Variants in LINGO2 observed in about 807,000 individuals in gnomAD.
LINGO2 encodes the protein leucine rich repeat and Ig domain containing 2, also known as leucine-rich repeat and immunoglobulin-like domain-containing nogo receptor-interacting protein 2.
Under a neutral mutation model 30.6 loss-of-function variants are expected in LINGO2, and 14 were observed. That is an observed-to-expected ratio of 0.46 (90% confidence interval 0.30 to 0.72). LINGO2 has a LOEUF of 0.72. Among genes scored for constraint, LINGO2 ranks in the 30% least tolerant of loss-of-function variants. The pLI, the probability that LINGO2 is intolerant of heterozygous loss-of-function variation, is 0.07. For synonymous variants in LINGO2, 317 were observed against 288.5 expected, an observed-to-expected ratio of 1.10 and a Z score of -1.00; for missense variants, 729 against 751.7, an observed-to-expected ratio of 0.97 and a Z score of 0.35.
At position 28,163,320 on chromosome 9, in the gene LINGO2, G is replaced by A. The variant is rs547109399; in HGVS notation, c.-87+131888C>T. On this transcript the variant is annotated intron_variant, in intron 4 of 5. Coordinates refer to ENST00000379992, the Ensembl canonical transcript of LINGO2. ...GGGAATAGCCAAAACTGAGGCAGAC[G>A]TTGAGTGTGTGAGTATGAACAGCAT... Among the ~76,000 whole-genome samples the A allele has an allele frequency of 2.4e-4, 37 of 152,200 alleles. No individual in the cohort carries two copies. The Middle Eastern group carries it at 0.014, about 56-fold the overall frequency.
chr9:28,349,932 T>C lies in LINGO2; in HGVS notation c.-246+22904A>G, dbSNP rs988160896. Among the ~76,000 whole-genome samples, 98 of 152,232 alleles carry C rather than the reference T, an allele frequency of 6.4e-4. 2 individuals carry two copies. Among genetic ancestry groups the C allele is most frequent in the Middle Eastern group, 3.4e-3 (1 of 294 alleles). Reference sequence around the variant, plus strand: ...TAAGTGAAGGAGAAATAAAATCCTTTACAGACAAGCAAATGCTGAGAGATT... The same window carrying C: ...TAAGTGAAGGAGAAATAAAATCCTTCACAGACAAGCAAATGCTGAGAGATT... On this transcript the variant is annotated intron_variant, in intron 3 of 5. Coordinates refer to ENST00000379992, the Ensembl canonical transcript of LINGO2.
At chr9:29,071,464 G>C in the LINGO2 span, among the ~76,000 whole-genome samples, 3 of 138,234 alleles carry the variant, frequency 2.2e-5, no homozygotes, top group African/African-American at 8.2e-5. Context: ...AACTATTGCT[G>C]CTTGCTTATT....
chr9:28,885,756 C>T, the LINGO2 span, among the ~76,000 whole-genome samples: 10 of 152,024 alleles, frequency 6.6e-5, no homozygotes, highest in Non-Finnish European at 1.2e-4. Context: ...AACAGCTATC[C>T]TTAGCTTCCC....
chr9:29,017,617 C>G, the LINGO2 span, among the ~76,000 whole-genome samples: 1 of 151,998 alleles, frequency 6.6e-6, no homozygotes, highest in African/African-American at 2.4e-5. Context: ...TAAGAAACCA[C>G]GTTGGCATGC....
chr9:28,891,668 C>G, the LINGO2 span, among the ~76,000 whole-genome samples: 1 of 151,822 alleles, frequency 6.6e-6, no homozygotes, highest in Non-Finnish European at 1.5e-5. Flanking sequence ...ATTCCTTGTA[C>G]TTCTATTAAG....
chr9:28,790,436 C>A, the LINGO2 span, among the ~76,000 whole-genome samples: 1 of 147,578 alleles, frequency 6.8e-6, no homozygotes, highest in Admixed American at 6.9e-5. Flanking sequence ...TCACGCCATT[C>A]TCCTGCCTCA....
At chr9:27,962,521 G>T (rs1245445712) in intron 5 of LINGO2, among the ~76,000 whole-genome samples, 1 of 152,110 alleles carries the variant, frequency 6.6e-6, no homozygotes, top group African/African-American at 2.4e-5. Context: ...CTGTAGGCAA[G>T]GTCCCTTTAC....
chr9:28,380,965 T>C (rs376858742), intron 2 of LINGO2, among the ~76,000 whole-genome samples: 4 of 152,060 alleles, frequency 2.6e-5, no homozygotes, highest in East Asian at 3.9e-4. Context: ...CCCTTGAGTA[T>C]GTATTTCTTT....
At chr9:28,983,297 C>T in the LINGO2 span, among the ~76,000 whole-genome samples, 1 of 144,342 alleles carries the variant, frequency 6.9e-6, no homozygotes, top group African/African-American at 2.5e-5. Flanking sequence ...GTGTGGTGAC[C>T]CATTTATTAT....
the LINGO2 span, among the ~76,000 whole-genome samples, chr9:28,950,231 G>C: frequency 6.6e-6 from 1 of 152,294 alleles, no homozygotes; most frequent in East Asian, 1.9e-4. Flanking sequence ...ACCAGGTATT[G>C]ATGGAACGTA....
At chr9:28,685,310 A>G in the LINGO2 span, among the ~76,000 whole-genome samples, 1 of 151,670 alleles carries the variant, frequency 6.6e-6, no homozygotes, top group Non-Finnish European at 1.5e-5. Flanking sequence ...TTTTTTTCCT[A>G]CTCTGACCTC....
intron 5 of LINGO2, among the ~76,000 whole-genome samples, chr9:27,968,100 T>A (rs566549250): frequency 6.6e-6 from 1 of 152,210 alleles, no homozygotes; most frequent in African/African-American, 2.4e-5. Context: ...ATAAACACCT[T>A]CTGGCTACCT....
the LINGO2 span, among the ~76,000 whole-genome samples, chr9:28,823,481 A>G: frequency 1.3e-5 from 2 of 152,192 alleles, no homozygotes; most frequent in African/African-American, 4.8e-5. Flanking sequence ...CTATGGTACT[A>G]TCTCTGAACC....
intron 5 of LINGO2, among the ~76,000 whole-genome samples, chr9:27,974,416 G>C (rs1820497273): frequency 1.3e-5 from 2 of 151,840 alleles, no homozygotes; most frequent in South Asian, 4.2e-4. Flanking sequence ...TGTTGGTGTA[G>C]TTTTGAAGGA....
chr9:28,712,369 T>A, the LINGO2 span, among the ~76,000 whole-genome samples: 1 of 152,014 alleles, frequency 6.6e-6, no homozygotes, highest in Non-Finnish European at 1.5e-5. Flanking sequence ...ATCTCTTATA[T>A]ATAAAAACTT....
intron 1 of LINGO2, among the ~76,000 whole-genome samples, chr9:28,630,831 A>C (rs1370038258): frequency 6.6e-6 from 1 of 152,006 alleles, no homozygotes; most frequent in Non-Finnish European, 1.5e-5. Context: ...TATGCAGACT[A>C]TTTTTAGTAA....
At chr9:27,989,086 T>C (rs373274208) in intron 5 of LINGO2, among the ~76,000 whole-genome samples, 5 of 152,042 alleles carry the variant, frequency 3.3e-5, no homozygotes, top group South Asian at 2.1e-4. Flanking sequence ...CCCAGCTTTG[T>C]TGATAGTTTT....
the LINGO2 span, among the ~76,000 whole-genome samples, chr9:28,894,552 AGTTT>A: frequency 6.6e-6 from 1 of 151,636 alleles, no homozygotes; most frequent in Non-Finnish European, 1.5e-5. Context: ...CTTCTTTTTT[AGTTT>A]ATTTTTTACT....
At chr9:28,798,257 A>T in the LINGO2 span, among the ~76,000 whole-genome samples, 1 of 118,326 alleles carries the variant, frequency 8.5e-6, no homozygotes, top group Non-Finnish European at 1.8e-5. Context: ...GTTGCAAGTC[A>T]AAATGATGTA....
Sources: gnomAD v4.1 joint callset for allele counts (sites outside exome capture counted in the v4.1 genomes callset) on GRCh38, gnomAD v4.1.1 for gene constraint, MANE v1.5 for transcripts, NCBI Gene and HGNC (gene_info 2026-07-23, HGNC 2026-07-21) for gene names.